SORBS2: variants seen among roughly 807,000 people sequenced by gnomAD.
The protein encoded by SORBS2 is sorbin and SH3 domain-containing protein 2.
SORBS2 carries 46 observed loss-of-function variants against 97.7 expected under a neutral mutation model. The observed-to-expected ratio is 0.47, with a 90% confidence interval of 0.37 to 0.60. The LOEUF is 0.60. SORBS2 is among the 20% of genes least tolerant of loss of function. The pLI, the probability that SORBS2 is intolerant of heterozygous loss-of-function variation, is 0.00. For missense variants in SORBS2, 1,316 were observed against 1,282.3 expected (o/e 1.03, Z -0.40); for synonymous variants, 476 against 473.4 (o/e 1.01, Z -0.07).
rs1326817524 is a variant in SORBS2, at chr4:185,623,938, C to A, written c.1191G>T (p.Trp397Cys). ...GCACCTCCTCCGTGGAGCACTGGCT[C>A]CAGGCGCGCAGCAGGTCCTTGTGCT... The change falls in exon 7 of 15, where the codon TGG becomes TGT. Residue 397 changes from tryptophan (W) to cysteine (C), a missense_variant. Physicochemically the swap from Trp to Cys is radical, Grantham distance 215 (BLOSUM62 -2). Coordinates refer to ENST00000418609, the Ensembl canonical transcript of SORBS2. The surrounding 1 kb of genome is among the most constrained non-coding windows in gnomAD (Gnocchi z 6.4). 1 of 1,614,078 alleles carries A rather than the reference C, an allele frequency of 6.2e-7. No individual in the cohort carries two copies. Among genetic ancestry groups the A allele is most frequent in the Non-Finnish European group, 8.5e-7 (1 of 1,180,050 alleles).
chr4:185,639,145 G>A, intron 4 of SORBS2, 110 bp from the exon 14 acceptor site: 2 of 999,722 alleles, frequency 2.0e-6, no homozygotes, highest in South Asian at 1.9e-5. Flanking sequence ...GAGGGGAGAG[G>A]CCTCCGGACG....
chr4:185,826,708 A>G (rs921490967), intron 1 of SORBS2, among the ~76,000 whole-genome samples: 3 of 152,180 alleles, frequency 2.0e-5, no homozygotes, highest in African/African-American at 7.2e-5. Context: ...TATTCAACAA[A>G]TGTTTTTCCT....
intron 1 of SORBS2, among the ~76,000 whole-genome samples, chr4:185,653,494 C>G (rs573493075): frequency 6.6e-6 from 1 of 152,080 alleles, no homozygotes; most frequent in African/African-American, 2.4e-5. Flanking sequence ...CTTAATACAC[C>G]CTAGCAATAC....
At chr4:185,628,579 C>T (rs1561517839) in intron 5 of SORBS2, among the ~76,000 whole-genome samples, 1 of 152,140 alleles carries the variant, frequency 6.6e-6, no homozygotes, top group Non-Finnish European at 1.5e-5. Flanking sequence ...TAGTGAGACT[C>T]TGTCTCTACA....
At chr4:185,752,433 A>ACG (rs1562294658) in intron 2 of SORBS2, among the ~76,000 whole-genome samples, 1 of 151,852 alleles carries the variant, frequency 6.6e-6, no homozygotes, top group Non-Finnish European at 1.5e-5. Flanking sequence ...CCGCCACCAC[A>ACG]CCCAGCTAAT....
At chr4:185,752,022 G>A (rs538112982) in intron 2 of SORBS2, among the ~76,000 whole-genome samples, 3 of 152,184 alleles carry the variant, frequency 2.0e-5, no homozygotes, top group East Asian at 1.9e-4. Flanking sequence ...GGACAGAGAC[G>A]CTGCTGAACA....
At chr4:185,703,246 AACAG>A (rs1328153734) in intron 2 of SORBS2, among the ~76,000 whole-genome samples, 1 of 152,262 alleles carries the variant, frequency 6.6e-6, no homozygotes, top group East Asian at 1.9e-4. Context: ...CACCAGAAGA[AACAG>A]ACAGAACTTC....
At chr4:185,712,277 G>A (rs1220900275) in intron 2 of SORBS2, among the ~76,000 whole-genome samples, 2 of 152,134 alleles carry the variant, frequency 1.3e-5, no homozygotes, top group Non-Finnish European at 2.9e-5. Context: ...ACTTTGGAGG[G>A]ACAGCTTGAC....
chr4:185,788,759 C>T (rs1220174315), intron 1 of SORBS2, among the ~76,000 whole-genome samples: 1 of 152,176 alleles, frequency 6.6e-6, no homozygotes, highest in Non-Finnish European at 1.5e-5. Flanking sequence ...AATTGGAAAG[C>T]TCTTCACCAA....
chr4:185,899,427 G>A (rs543178945), intron 1 of SORBS2, among the ~76,000 whole-genome samples: 26 of 152,198 alleles, frequency 1.7e-4, no homozygotes, highest in African/African-American at 5.3e-4. Context: ...GTGAAGTAGC[G>A]AGTTTATTTT....
intron 1 of SORBS2, among the ~76,000 whole-genome samples, chr4:185,836,639 G>A (rs2099208245): frequency 2.0e-5 from 3 of 152,066 alleles, no homozygotes; most frequent in East Asian, 3.8e-4. Flanking sequence ...AATTTGCCAA[G>A]GTCACACAAA....
chr4:185,901,945 G>A (rs114541534), intron 1 of SORBS2, among the ~76,000 whole-genome samples: 1,574 of 152,210 alleles, frequency 0.01, 31 homozygotes, highest in African/African-American at 0.036. Flanking sequence ...CTTAATTTCT[G>A]TTGAGTCTTC....
At chr4:185,755,886 T>G (rs754175693) in intron 2 of SORBS2, among the ~76,000 whole-genome samples, 1 of 152,236 alleles carries the variant, frequency 6.6e-6, no homozygotes, top group Non-Finnish European at 1.5e-5. Flanking sequence ...TACCTCCTCA[T>G]GTTTATTAGA....
At position 185,923,472 on chromosome 4, in the gene SORBS2, A is replaced by ATTTTTTTTTTTTTTTTTTTTTTTT. The variant is rs535695706; in HGVS notation, c.-338+32723_-338+32724insAAAAAAAAAAAAAAAAAAAAAAAA. Among the ~76,000 whole-genome samples, 76 of 110,464 alleles carry ATTTTTTTTTTTTTTTTTTTTTTTT rather than the reference A, an allele frequency of 6.9e-4. 9 individuals are homozygous for ATTTTTTTTTTTTTTTTTTTTTTTT. Among genetic ancestry groups the ATTTTTTTTTTTTTTTTTTTTTTTT allele is most frequent in the African/African-American group, 2.2e-3 (61 of 28,342 alleles). 72.5% of individuals were successfully genotyped at this position (110,464 alleles called of 152,430 possible). A position where few individuals can be genotyped will look rare whatever the true frequency, so the allele number is the denominator to read the frequency against. On this transcript the variant is annotated intron_variant, in intron 1 of 20. Transcript: ENST00000284776. ...TGCTTGGCTAAGTTTCTTTTTTTTA[A>ATTTTTTTTTTTTTTTTTTTTTTTT]TTTTTTTTTTTTGTAGAGACAGGAC...
At chr4:185,773,524 G>C (rs984124636) in intron 2 of SORBS2, 2 of 152,108 alleles carry the variant, frequency 1.3e-5, no homozygotes, top group African/African-American at 4.8e-5. Context: ...CGCCCCTTTG[G>C]AGATTTGTCC....
chr4:185,594,005 G>A, intron 12 of SORBS2, 70 bp from the exon 25 acceptor site: 1 of 1,015,238 alleles, frequency 9.8e-7, no homozygotes, highest in Non-Finnish European at 1.5e-6. Flanking sequence ...TTTGGATAAT[G>A]GCATGGTACT....
chr4:185,875,685 T>G (rs1156804505), intron 1 of SORBS2, among the ~76,000 whole-genome samples: 7 of 152,248 alleles, frequency 4.6e-5, no homozygotes, highest in Non-Finnish European at 1.0e-4. Context: ...CTCTGCTCCC[T>G]TTAGAGGTAA....
chr4:185,608,368 A>G (rs2096470069), intron 12 of SORBS2, among the ~76,000 whole-genome samples: 1 of 152,220 alleles, frequency 6.6e-6, no homozygotes, highest in Non-Finnish European at 1.5e-5. Flanking sequence ...TAAAAAATCC[A>G]AAGTAAATAT....
At chr4:185,589,726 C>G in exon 14 of SORBS2, 1 of 1,613,498 alleles carries the variant, frequency 6.2e-7, no homozygotes, top group Non-Finnish European at 8.5e-7. Flanking sequence ...AATGACATCA[C>G]TTTCTCTGAG....
Sources: allele counts gnomAD v4.1 joint callset (sites outside exome capture counted in the v4.1 genomes callset), GRCh38; gene constraint gnomAD v4.1.1; non-coding constraint Gnocchi (gnomAD v3.1); transcripts MANE v1.5; gene names NCBI Gene and HGNC (gene_info 2026-07-23, HGNC 2026-07-21).